Variants in KLC1 observed in about 807,000 individuals in gnomAD.
The protein encoded by KLC1 is kinesin light chain 1.
KLC1 carries 30 observed loss-of-function variants against 84.2 expected under a neutral mutation model. The observed-to-expected ratio is 0.36, with a 90% CI of 0.27 to 0.48. The LOEUF is 0.48. KLC1 is among the 20% of genes least tolerant of loss of function. The pLI is 0.99. For synonymous variants in KLC1, 289 were observed against 293.3 expected, an observed-to-expected ratio of 0.99 and a Z score of 0.15; for missense variants, 499 against 805.4, an observed-to-expected ratio of 0.62 and a Z score of 4.60.
At chr14:103,661,878 G>T (rs2079324098) in intron 3 of KLC1, among the ~76,000 whole-genome samples, 1 of 152,098 alleles carries the variant, frequency 6.6e-6, no homozygotes, top group Non-Finnish European at 1.5e-5. Flanking sequence ...TGCAGCCATG[G>T]CCCATTTCGT....
chr14:103,633,366 G>A (rs2076829968), intron 1 of KLC1, among the ~76,000 whole-genome samples: 1 of 152,060 alleles, frequency 6.6e-6, no homozygotes, highest in South Asian at 2.1e-4. Context: ...CGGAGGGTTG[G>A]AAGATTCTGA....
At chr14:103,633,091 T>A (rs1385718752) in intron 1 of KLC1, among the ~76,000 whole-genome samples, 1 of 150,856 alleles carries the variant, frequency 6.6e-6, no homozygotes, top group African/African-American at 2.4e-5. Context: ...GGAGTCTTGC[T>A]CTGTCACCCA....
chr14:103,649,938 G>A (rs1426936599), intron 1 of KLC1, among the ~76,000 whole-genome samples: 3 of 151,984 alleles, frequency 2.0e-5, no homozygotes, highest in African/African-American at 2.4e-5. Flanking sequence ...CTCGTGATCC[G>A]CCCGCCTCCA....
chr14:103,699,677 A>G (rs990268110), intron 15 of KLC1: 24 of 1,185,530 alleles, frequency 2.0e-5, no homozygotes, highest in Non-Finnish European at 3.0e-5. Flanking sequence ...AAACCTTCCT[A>G]CCCACCTGGG....
At chr14:103,698,601 C>G in intron 15 of KLC1, 1 of 620,678 alleles carries the variant, frequency 1.6e-6, no homozygotes. Context: ...CAGGGAGAGG[C>G]AGAACATCCC....
chr14:103,699,502 G>A (rs41285494), intron 15 of KLC1: 38 of 1,612,808 alleles, frequency 2.4e-5, no homozygotes, highest in Non-Finnish European at 2.9e-5. Flanking sequence ...CCACCGAGTC[G>A]ATGACCACCA....
intron 15 of KLC1, chr14:103,696,198 G>A: frequency 1.0e-6 from 1 of 984,396 alleles, no homozygotes; most frequent in Non-Finnish European, 1.2e-6. Context: ...ATATCTCTGG[G>A]TAGTTGGTGC....
chr14:103,643,125 A>G (rs1359785495), intron 1 of KLC1, among the ~76,000 whole-genome samples: 2 of 152,234 alleles, frequency 1.3e-5, no homozygotes, highest in Non-Finnish European at 2.9e-5. Context: ...TATAAAACAA[A>G]TATCTGTAAG....
chr14:103,695,649 A>G, intron 15 of KLC1: 5 of 985,406 alleles, frequency 5.1e-6, no homozygotes, highest in East Asian at 1.1e-4. Context: ...AGGGCTGAAT[A>G]TGGAGTTGAA....
At chr14:103,640,394 G>A (rs577149947) in intron 1 of KLC1, among the ~76,000 whole-genome samples, 5 of 149,214 alleles carry the variant, frequency 3.4e-5, no homozygotes, top group Non-Finnish European at 7.4e-5. Context: ...AGAGTCTCGC[G>A]CTGTCGCCCA....
chr14:103,663,691 C>G lies in KLC1; in HGVS notation c.797+764C>G, dbSNP rs1425696633. On this transcript the variant is annotated intron_variant, in intron 5 of 16. Transcript: ENST00000334553. ...CCCTTTCACCCCTGTTGAAGGACGC[C>G]CCGGGGGAGTGGTGGGCTCTCAGTT... 4.6e-5 allele frequency among the ~76,000 whole-genome samples: 7 copies of G among 152,116 alleles called. No homozygotes were observed. In the South Asian group the frequency reaches 1.0e-3, roughly 23 times the overall value.
chr14:103,634,272 C>T (rs994589372), intron 1 of KLC1, among the ~76,000 whole-genome samples: 2 of 152,076 alleles, frequency 1.3e-5, no homozygotes, highest in Non-Finnish European at 2.9e-5. Context: ...TATTCAGTGT[C>T]GGTGCTTGGC....
At chr14:103,672,601 A>G (rs1230045028) in intron 7 of KLC1, among the ~76,000 whole-genome samples, 1 of 152,186 alleles carries the variant, frequency 6.6e-6, no homozygotes, top group Non-Finnish European at 1.5e-5. Context: ...AGGGAGGGCT[A>G]GGAGAAGAGC....
chr14:103,701,152 ACTGT>A (rs756666563), intron 16 of KLC1, 45 bp from the exon 17 acceptor site: 117 of 1,548,072 alleles, frequency 7.6e-5, no homozygotes, highest in Non-Finnish European at 1.5e-5. Flanking sequence ...ACTTAGTAAC[ACTGT>A]CAGGTTTTGG....
intron 13 of KLC1, among the ~76,000 whole-genome samples, chr14:103,680,161 G>A (rs76144913): frequency 0.016 from 2,463 of 152,214 alleles, 61 homozygotes; most frequent in African/African-American, 0.056. Flanking sequence ...GCCCCCTCTG[G>A]GTTTTACTGG....
rs1297780707 is a variant in KLC1 at position 103,670,170 on chromosome 14, CTG to C, written c.886-8_886-7del. ...CTTTTACCATTCTTAGTGGTTCTCT[CTG>C]TGTTGACAGGTGGCGGCGACTTTGA... is the stretch of plus-strand genomic sequence containing the variant. On this transcript the variant is annotated splice_polypyrimidine_tract_variant and intron_variant, in intron 6 of 16. Transcript: ENST00000334553. 1.3e-6 allele frequency: 2 copies of C among 1,598,670 alleles called. No individual in the cohort carries two copies. The highest frequency in any genetic ancestry group is 2.2e-5 in the East Asian group (1 of 44,792).
chr14:103,672,914 C>T (rs1595479869), intron 7 of KLC1, 100 bp from the exon 8 acceptor site: 5 of 1,030,150 alleles, frequency 4.9e-6, no homozygotes, highest in Admixed American at 2.3e-5. Flanking sequence ...GTAGCACAGT[C>T]GTGCTTATGT....
At chr14:103,695,984 T>A in intron 15 of KLC1, 2 of 985,186 alleles carry the variant, frequency 2.0e-6, no homozygotes, top group Middle Eastern at 5.2e-4. Context: ...AGGAGAGAAG[T>A]GGTGGGCCCA....
chr14:103,638,649 T>G (rs1000948517), intron 1 of KLC1, among the ~76,000 whole-genome samples: 5 of 138,434 alleles, frequency 3.6e-5, no homozygotes, highest in African/African-American at 1.3e-4. Flanking sequence ...TTGCTTTCAT[T>G]TCATTAATTT....
Sources: gnomAD v4.1 joint callset for allele counts (sites outside exome capture counted in the v4.1 genomes callset) on GRCh38, gnomAD v4.1.1 for gene constraint, MANE v1.5 for transcripts, NCBI Gene and HGNC (gene_info 2026-07-23, HGNC 2026-07-21) for gene names.